Variants in CCDC141 observed in about 807,000 individuals in gnomAD.
CCDC141 encodes the protein coiled-coil domain containing 141.
CCDC141 carries 168 observed loss-of-function variants against 181.0 expected under a neutral mutation model. The observed-to-expected ratio is 0.93, with a 90% CI of 0.82 to 1.05. The LOEUF (loss-of-function observed/expected upper bound fraction) is 1.05, where lower values mean the gene tolerates loss of function less well. CCDC141 is among the 50% of genes least tolerant of loss of function. The pLI, the probability that CCDC141 is intolerant of heterozygous loss-of-function variation, is 0.00. For synonymous variants in CCDC141, 666 were observed against 642.3 expected (o/e 1.04, Z -0.56); for missense variants, 1,902 against 1,788.5 (o/e 1.06, Z -1.14).
At chr2:179,031,234 T>A (rs1458985201) in intron 2 of CCDC141, among the ~76,000 whole-genome samples, 1 of 151,854 alleles carries the variant, frequency 6.6e-6, no homozygotes, top group African/African-American at 2.4e-5. Flanking sequence ...GTAGTTTTCG[T>A]AGCTTATGAT....
chr2:178,984,848 C>G (rs1691641072), intron 2 of CCDC141, among the ~76,000 whole-genome samples: 1 of 152,030 alleles, frequency 6.6e-6, no homozygotes, highest in African/African-American at 2.4e-5. Flanking sequence ...GAGACTTAGA[C>G]TCCCACACAT....
intron 21 of CCDC141, among the ~76,000 whole-genome samples, chr2:178,847,258 G>A (rs541993396): frequency 4.7e-4 from 71 of 152,242 alleles, no homozygotes; most frequent in African/African-American, 1.6e-3. Context: ...GGCCAGGTGC[G>A]GTGGCTCACA....
At chr2:178,897,952 G>A (rs1348889121) in intron 8 of CCDC141, among the ~76,000 whole-genome samples, 1 of 152,096 alleles carries the variant, frequency 6.6e-6, no homozygotes, top group Admixed American at 6.6e-5. Context: ...CTTTAGACTT[G>A]GTTCTCAAGG....
intron 6 of CCDC141, among the ~76,000 whole-genome samples, chr2:178,942,927 G>A (rs1030495956): frequency 2.0e-5 from 3 of 152,112 alleles, no homozygotes; most frequent in Non-Finnish European, 1.5e-5. Flanking sequence ...GGACATCAGA[G>A]GTTGAAATAT....
In CCDC141 at chr2:178,901,438, A is replaced by G. The variant is rs372383732; in HGVS notation, c.1265+3891T>C. On this transcript the variant is annotated intron_variant, in intron 8 of 23. Transcript: ENST00000443758. ...CAAGTGGGCTTCATCCCTGGGATGCAAGGCTGGTTCAATATACGCAAATCA... is the reference window on the plus strand; with the variant it reads ...CAAGTGGGCTTCATCCCTGGGATGCGAGGCTGGTTCAATATACGCAAATCA... 6.6e-5 allele frequency among the ~76,000 whole-genome samples: 10 copies of G among 152,226 alleles called. No homozygotes were observed. The South Asian group carries it at 2.1e-3, about 32-fold the overall frequency.
chr2:179,017,988 T>A lies in CCDC141; in HGVS notation c.225+29296A>T, dbSNP rs138405429. ...TGGAATTGGATCTGAGAAAAAGATG[T>A]TCTGGCCAACATCATAAAGCTGGTT... On this transcript the variant is annotated intron_variant, in intron 2 of 23. Transcript: ENST00000443758. Among the ~76,000 whole-genome samples the A allele has an allele frequency of 1.6e-3, 242 of 152,252 alleles. 1 individual carries two copies. Among genetic ancestry groups the A allele is most frequent in the African/African-American group, 5.3e-3 (222 of 41,572 alleles).
At chr2:178,875,660 T>C (rs572340413) in intron 12 of CCDC141, 2 of 152,140 alleles carry the variant, frequency 1.3e-5, no homozygotes, top group South Asian at 2.1e-4. Flanking sequence ...AGGGTTAATA[T>C]AGTTCAAGAA....
intron 1 of CCDC141, among the ~76,000 whole-genome samples, chr2:179,049,288 A>G (rs1021056551): frequency 2.6e-5 from 4 of 152,174 alleles, no homozygotes; most frequent in Non-Finnish European, 5.9e-5. Context: ...TCGTTACTGG[A>G]CAAGGATTTA....
intron 17 of CCDC141, among the ~76,000 whole-genome samples, chr2:178,862,865 TC>T (rs1363194731): frequency 6.6e-6 from 1 of 152,218 alleles, no homozygotes; most frequent in African/African-American, 2.4e-5. Flanking sequence ...TGAGTTCTTT[TC>T]TAAGGGCTTT....
chr2:178,953,086 A>AAATTTGAACAACTTTTGTGGGGGT (rs1690017473), intron 5 of CCDC141, among the ~76,000 whole-genome samples: 1 of 152,210 alleles, frequency 6.6e-6, no homozygotes, highest in Non-Finnish European at 1.5e-5. Context: ...AGTTGGAGTC[A>AAATTTGAACAACTTTTGTGGGGGT]AATTTGAACA....
intron 2 of CCDC141, among the ~76,000 whole-genome samples, chr2:179,039,258 C>T (rs538038776): frequency 6.6e-5 from 10 of 152,262 alleles, no homozygotes; most frequent in Middle Eastern, 3.4e-3. Flanking sequence ...ATATTACCAA[C>T]ATTAGAGGCC....
chr2:179,011,090 A>G (rs1575340632), intron 2 of CCDC141, among the ~76,000 whole-genome samples: 2 of 151,424 alleles, frequency 1.3e-5, no homozygotes, highest in East Asian at 1.9e-4. Flanking sequence ...CCTGGGAGGC[A>G]GAGGTTGCAG....
Position 178,944,637 on chromosome 2 carries a change from AAACC to A in CCDC141, c.791_794del (p.Trp264PhefsTer5), listed in dbSNP as rs1391133021. On this transcript the variant is annotated frameshift_variant, in exon 6 of 24. Transcript: ENST00000443758. LOFTEE classifies it high-confidence loss of function. ...CCTGTAAATTTCTTATAGTTTTCTG[AAACC>A]AACAAGTAACCTAGGTAAAAGGCAA... 6.6e-7 allele frequency: 1 copy of A among 1,510,582 alleles called. No individual in the cohort carries two copies. Among genetic ancestry groups the A allele is most frequent in the Non-Finnish European group, 8.9e-7 (1 of 1,121,964 alleles). 93.6% of individuals were successfully genotyped at this position (1,510,582 alleles called of 1,614,324 possible).
At chr2:178,898,630 T>G (rs376444629) in intron 8 of CCDC141, among the ~76,000 whole-genome samples, 2 of 152,296 alleles carry the variant, frequency 1.3e-5, no homozygotes, top group East Asian at 3.9e-4. Context: ...AACATGTAAA[T>G]AACCACAATT....
chr2:179,024,197 G>A (rs1446269779), intron 2 of CCDC141, among the ~76,000 whole-genome samples: 1 of 152,190 alleles, frequency 6.6e-6, no homozygotes, highest in East Asian at 1.9e-4. Flanking sequence ...TCTCTTAGGA[G>A]CCCAAATGTT....
chr2:179,033,818 C>T (rs2043064459), intron 2 of CCDC141, among the ~76,000 whole-genome samples: 1 of 152,150 alleles, frequency 6.6e-6, no homozygotes, highest in Admixed American at 6.5e-5. Context: ...AAAATGCTAG[C>T]TATGATCCTG....
intron 2 of CCDC141, among the ~76,000 whole-genome samples, chr2:179,024,062 T>C (rs2042762355): frequency 6.6e-6 from 1 of 152,214 alleles, no homozygotes; most frequent in Non-Finnish European, 1.5e-5. Context: ...GAGGCCATAA[T>C]GGCATTCCAA....
At position 178,856,276 on chromosome 2, in the gene CCDC141, A is replaced by G; in HGVS notation, c.2846T>C (p.Met949Thr). 6.2e-7 allele frequency: 1 copy of G among 1,610,766 alleles called. No homozygotes were observed. Among genetic ancestry groups the G allele is most frequent in the Non-Finnish European group, 8.5e-7 (1 of 1,178,506 alleles). ...ALKYQIQQVD[M>T]YAEKMQALKR... The stretch of plus-strand genomic sequence containing the variant: ...TGTTACCTGCATTTTTTCAGCATAC[A>G]TATCAACTTGCTGAATTTGATATTT... The change falls in exon 18 of 24, where the codon ATG (methionine) becomes ACG (threonine). Residue 949 changes from methionine (M) to threonine (T), a missense_variant. Physicochemically the swap from Met to Thr is moderately conservative, Grantham distance 81. Coordinates refer to ENST00000443758, the MANE Select transcript of CCDC141 (RefSeq NM_173648.4).
At chr2:179,047,510 A>T (rs2043537627) in intron 1 of CCDC141, 104 bp from the exon 2 acceptor site, 1 of 1,031,838 alleles carries the variant, frequency 9.7e-7, no homozygotes, top group African/African-American at 1.7e-5. Flanking sequence ...TTATACTGTA[A>T]ACACTTTTTT....
Sources: gnomAD v4.1 joint callset for allele counts (sites outside exome capture counted in the v4.1 genomes callset) on GRCh38, gnomAD v4.1.1 for gene constraint, MANE v1.5 for transcripts, NCBI Gene and HGNC (gene_info 2026-07-23, HGNC 2026-07-21) for gene names.